The following GCFC2 variants were observed in gnomAD, a reference collection of about 807,000 sequenced individuals.
The protein encoded by GCFC2 is GC-rich sequence DNA-binding factor 2.
Under a neutral mutation model 99.4 loss-of-function variants are expected in GCFC2, and 102 were observed. The observed-to-expected ratio is 1.03, with a 90% CI of 0.87 to 1.21. The LOEUF (loss-of-function observed/expected upper bound fraction) is 1.21, where lower values mean the gene tolerates loss of function less well. Ranked by LOEUF, GCFC2 falls within the 50% of genes most tolerant of loss-of-function variation. GCFC2 has a pLI of 0.00. For synonymous variants in GCFC2, 338 were observed against 316.8 expected (o/e 1.07, Z -0.71); for missense variants, 973 against 920.9 (o/e 1.06, Z -0.73).
At chr2:75,704,138 G>A (rs2104411635) in intron 2 of GCFC2, among the ~76,000 whole-genome samples, 1 of 152,276 alleles carries the variant, frequency 6.6e-6, no homozygotes, top group East Asian at 1.9e-4. Context: ...AATAATGTCA[G>A]CATATTGTTC....
chr2:75,691,818 A>G (rs991038066), intron 7 of GCFC2, among the ~76,000 whole-genome samples, 159 bp downstream of exon 7: 4 of 152,220 alleles, frequency 2.6e-5, no homozygotes, highest in Non-Finnish European at 1.5e-5. Flanking sequence ...AACATTCTTA[A>G]GTCCTATTTC....
At position 75,691,977 on chromosome 2, in the gene GCFC2, G is replaced by GT. The variant is rs774586777; in HGVS notation, c.1143dup (p.Arg382ThrfsTer4). 5 of 1,492,708 alleles carry GT rather than the reference G, an allele frequency of 3.3e-6. No individual in the cohort carries two copies. In the South Asian group the frequency reaches 5.6e-5, roughly 17 times the overall value. 92.5% of individuals were successfully genotyped at this position (1,492,708 alleles called of 1,614,324 possible). A position where few individuals can be genotyped will look rare whatever the true frequency, so the allele number is the denominator to read the frequency against. On this transcript the variant is annotated frameshift_variant and splice_region_variant, in exon 7 of 17. Transcript: ENST00000321027. LOFTEE classifies it high-confidence loss of function. The stretch of plus-strand genomic sequence containing the variant: ...TGTATGGAACACGAAAAACACTAAC[G>GT]TGATAACTGTTGTAAATACGTTGAT...
rs771492243 is a variant in GCFC2, at chr2:75,687,976, A to G, written c.1541T>C (p.Leu514Ser). The G allele has an allele frequency of 1.9e-6, 3 of 1,543,686 alleles. No individual in the cohort carries two copies. The African/African-American group carries it at 4.2e-5, about 22-fold the overall frequency. Residue 514 changes from leucine to serine, a missense_variant and splice_region_variant, in exon 11 of 17, where the codon TTG (leucine) becomes TCG (serine). Physicochemically the swap from Leu to Ser is moderately radical, Grantham distance 145. Transcript: ENST00000321027. The stretch of plus-strand genomic sequence containing the variant: ...CATCTCTTTTAAACCTGTGGATTCC[A>G]ACTTACAAAGAAAATTACAAAAGTT... The part of the protein sequence containing the change: ...VQLIDWNPLK[L>S]ESTGLKEMPW...
rs35474489 is a variant in GCFC2, at chr2:75,696,651, G to T, written c.718-336C>A. ...TGAATATTAATTTGTGGAGTAGACA[G>T]ACCTGTCTGGCTGACCTAACACCTA... On this transcript the variant is annotated intron_variant, in intron 4 of 16. Transcript: ENST00000321027. Among the ~76,000 whole-genome samples the T allele has an allele frequency of 2.3e-3, 348 of 152,314 alleles. 1 individual carries two copies. The highest frequency in any genetic ancestry group is 3.5e-3 in the Non-Finnish European group (235 of 68,024).
At chr2:75,667,514 T>C (rs1269316207) in intron 15 of GCFC2, among the ~76,000 whole-genome samples, 2 of 152,196 alleles carry the variant, frequency 1.3e-5, no homozygotes, top group African/African-American at 4.8e-5. Context: ...CTTAATCACC[T>C]GTTTCAACTA....
chr2:75,672,433 CATT>C (rs1448373872), intron 13 of GCFC2, among the ~76,000 whole-genome samples: 27 of 151,088 alleles, frequency 1.8e-4, no homozygotes, highest in African/African-American at 6.1e-4. Context: ...TTATCTAAAA[CATT>C]ATAAACAAAG....
chr2:75,679,295 C>A (rs1679470506), intron 12 of GCFC2, among the ~76,000 whole-genome samples: 1 of 152,096 alleles, frequency 6.6e-6, no homozygotes, highest in South Asian at 2.1e-4. Context: ...ATATGATATG[C>A]CTCCTTGCTT....
At position 75,665,937 on chromosome 2, in the gene GCFC2, A is replaced by C; in HGVS notation, c.2220T>G (p.Ser740Arg). The change falls in exon 16 of 17, where the codon AGT becomes AGG. Residue 740 changes from serine (S) to arginine (R), a missense_variant. Ser to Arg is a moderately radical substitution (Grantham distance 110, BLOSUM62 -1). Transcript: ENST00000321027. ...LLQSAHKLSR[S>R]EFRDEVEEII... is the part of the protein sequence containing the mutation. ...AATAAAATATGCATTACCTGAATTCACTTCTAGATAATTTATGTGCAGACT... is the reference window on the plus strand; with the variant it reads ...AATAAAATATGCATTACCTGAATTCCCTTCTAGATAATTTATGTGCAGACT... The C allele has an allele frequency of 6.3e-7, 1 of 1,582,108 alleles. No homozygotes were observed. The highest frequency in any genetic ancestry group is 8.6e-7 in the Non-Finnish European group (1 of 1,157,058).
chr2:75,665,788 C>A, intron 16 of GCFC2, 141 bp downstream of exon 16: 1 of 495,154 alleles, frequency 2.0e-6, no homozygotes. Flanking sequence ...CCAAAGGTAA[C>A]CATAAAAATA....
intron 2 of GCFC2, among the ~76,000 whole-genome samples, chr2:75,706,303 T>C (rs926338492): frequency 6.6e-6 from 1 of 152,208 alleles, no homozygotes; most frequent in Non-Finnish European, 1.5e-5. Context: ...GAATACAGGC[T>C]CCAGAACAAA....
In GCFC2 at chr2:75,690,012, A is replaced by T; in HGVS notation, c.1296T>A (p.Asp432Glu). ...CAATCATCTCTGCTGAAGGCAGTTC[A>T]TCATCACTAGATGTTCCTTCCTGAT... The part of the protein sequence containing the change: ...CNHQEGTSSD[D>E]ELPSAEMIDF... Residue 432 changes from aspartate (D) to glutamate (E), a missense_variant, in exon 9 of 17, where the codon GAT (aspartate) becomes GAA (glutamate). Coordinates refer to ENST00000321027, the MANE Select transcript of GCFC2 (RefSeq NM_003203.5). 1 of 1,609,644 alleles carries T rather than the reference A, an allele frequency of 6.2e-7. No homozygotes were observed. Among genetic ancestry groups the T allele is most frequent in the Non-Finnish European group, 8.5e-7 (1 of 1,176,848 alleles).
chr2:75,701,942 C>T (rs554999315), intron 3 of GCFC2: 7 of 1,229,872 alleles, frequency 5.7e-6, no homozygotes, highest in South Asian at 2.7e-5. Context: ...AGATACTGCA[C>T]ATTTTTTTTA....
chr2:75,677,575 T>C (rs1258597208), intron 12 of GCFC2, among the ~76,000 whole-genome samples: 1 of 152,236 alleles, frequency 6.6e-6, no homozygotes, highest in Non-Finnish European at 1.5e-5. Context: ...CAAAAAATTA[T>C]CTGTTCCAAA....
At chr2:75,704,452 G>A (rs528634285) in intron 2 of GCFC2, among the ~76,000 whole-genome samples, 22 of 152,266 alleles carry the variant, frequency 1.4e-4, no homozygotes, top group Non-Finnish European at 2.8e-4. Context: ...TTTAATCAGC[G>A]TTTCTCAATG....
chr2:75,681,685 G>C (rs1395201977), intron 11 of GCFC2, among the ~76,000 whole-genome samples: 1 of 151,938 alleles, frequency 6.6e-6, no homozygotes, highest in Non-Finnish European at 1.5e-5. Flanking sequence ...AGCAAGCTAA[G>C]ATCCACTGAC....
chr2:75,706,464 A>G (rs10204609), intron 2 of GCFC2, 59 bp downstream of exon 2: 133,554 of 1,090,480 alleles, frequency 0.12, 9,129 homozygotes, highest in African/African-American at 0.2. Context: ...ATTAATAACT[A>G]TATCAAAAAC....
chr2:75,668,245 C>A (rs578255999), intron 15 of GCFC2, among the ~76,000 whole-genome samples: 1 of 152,168 alleles, frequency 6.6e-6, no homozygotes, highest in East Asian at 1.9e-4. Context: ...AGACCCCAGA[C>A]GGTAGTTAGA....
chr2:75,686,584 T>C (rs1024418100), intron 11 of GCFC2, among the ~76,000 whole-genome samples: 5 of 151,916 alleles, frequency 3.3e-5, no homozygotes, highest in African/African-American at 1.2e-4. Flanking sequence ...TCTAAAAAAA[T>C]CTTTTAAAAA....
At chr2:75,687,646 C>T (rs1481918496) in intron 11 of GCFC2, among the ~76,000 whole-genome samples, 181 bp downstream of exon 11, 1 of 152,178 alleles carries the variant, frequency 6.6e-6, no homozygotes, top group East Asian at 1.9e-4. Flanking sequence ...GGTAGCCAAC[C>T]ACCTGTACAA....
Sources: allele counts gnomAD v4.1 joint callset (sites outside exome capture counted in the v4.1 genomes callset), GRCh38; gene constraint gnomAD v4.1.1; transcripts MANE v1.5; gene names NCBI Gene and HGNC (gene_info 2026-07-23, HGNC 2026-07-21).